Variants in BABAM2 observed in about 807,000 individuals in gnomAD.
BABAM2 encodes BRISC and BRCA1 A complex member 2, also known as BRISC and BRCA1-A complex member 2.
In BABAM2, 31 loss-of-function variants were observed where a neutral mutation model predicts 54.7. That is an observed-to-expected ratio of 0.57 (90% CI 0.43 to 0.77). The LOEUF (loss-of-function observed/expected upper bound fraction) is 0.77. Ranked by LOEUF, BABAM2 falls within the 30% of genes least tolerant of loss-of-function variation. The pLI, the probability that BABAM2 is intolerant of heterozygous loss-of-function variation, is 0.00. For synonymous variants in BABAM2, 167 were observed against 162.9 expected (o/e 1.03, Z -0.19); for missense variants, 364 against 455.8 (o/e 0.80, Z 1.83).
chr2:28,132,773 A>T (rs1299153677), intron 7 of BABAM2, among the ~76,000 whole-genome samples: 1 of 152,158 alleles, frequency 6.6e-6, no homozygotes, highest in African/African-American at 2.4e-5. Context: ...ATCTATATTT[A>T]TATTATAATC....
At chr2:28,123,614 G>C (rs1200546949) in intron 6 of BABAM2, among the ~76,000 whole-genome samples, 1 of 152,166 alleles carries the variant, frequency 6.6e-6, no homozygotes, top group Non-Finnish European at 1.5e-5. Flanking sequence ...CCAGATGGGA[G>C]GGAACACATG....
intron 5 of BABAM2, among the ~76,000 whole-genome samples, chr2:28,026,874 T>TTA (rs1274219205): frequency 8.4e-5 from 4 of 47,538 alleles, no homozygotes; most frequent in Admixed American, 3.2e-4. Context: ...ATATATATAT[T>TTA]TATATATATA....
chr2:28,165,184 G>A (rs1673516879), intron 7 of BABAM2, among the ~76,000 whole-genome samples: 1 of 152,162 alleles, frequency 6.6e-6, no homozygotes, highest in Non-Finnish European at 1.5e-5. Context: ...AATTCAGGGT[G>A]ATACATACTA....
intron 10 of BABAM2, among the ~76,000 whole-genome samples, chr2:28,246,333 C>T (rs1467201749): frequency 6.6e-6 from 1 of 152,220 alleles, no homozygotes; most frequent in Non-Finnish European, 1.5e-5. Context: ...TTTGTGAAAT[C>T]TCACTTCCTA....
intron 7 of BABAM2, among the ~76,000 whole-genome samples, chr2:28,232,769 G>A (rs1309743183): frequency 6.6e-6 from 1 of 152,174 alleles, no homozygotes; most frequent in African/African-American, 2.4e-5. Flanking sequence ...TAACTGAAAT[G>A]TTGCATGTGG....
At chr2:28,289,132 CAACTT>C (rs1318950338) in intron 10 of BABAM2, among the ~76,000 whole-genome samples, 1 of 152,034 alleles carries the variant, frequency 6.6e-6, no homozygotes, top group Non-Finnish European at 1.5e-5. Context: ...AAACACTACT[CAACTT>C]AAGAAATAGA....
At chr2:27,999,882 A>G (rs1488988035) in intron 4 of BABAM2, among the ~76,000 whole-genome samples, 1 of 152,098 alleles carries the variant, frequency 6.6e-6, no homozygotes, top group African/African-American at 2.4e-5. Flanking sequence ...CATATTCTTC[A>G]CTTGTTTCAA....
chr2:27,982,844 T>TACAC (rs146744707), intron 3 of BABAM2, among the ~76,000 whole-genome samples: 10,650 of 126,962 alleles, frequency 0.084, 916 homozygotes, highest in East Asian at 0.4. Context: ...TCATTATGTG[T>TACAC]ACACACACAC....
chr2:28,016,354 TTC>T (rs1674814255), intron 4 of BABAM2: 1 of 1,285,182 alleles, frequency 7.8e-7, no homozygotes, highest in Non-Finnish European at 1.1e-6. Context: ...GCTCTTTTAC[TTC>T]TTCCCAGGTA....
chr2:28,139,321 C>CAAAAAAAAAAAAAA (rs768755922), intron 7 of BABAM2, among the ~76,000 whole-genome samples: 1 of 87,054 alleles, frequency 1.1e-5, no homozygotes, highest in Admixed American at 1.4e-4. Context: ...AACTCCGTCT[C>CAAAAAAAAAAAAAA]AAAAAAAAAA....
intron 7 of BABAM2, among the ~76,000 whole-genome samples, chr2:28,209,431 T>A (rs1350362503): frequency 6.6e-6 from 1 of 152,164 alleles, no homozygotes; most frequent in South Asian, 2.1e-4. Context: ...TAGCCTGATC[T>A]TCAGATTCCC....
intron 11 of BABAM2, among the ~76,000 whole-genome samples, chr2:28,337,695 A>G (rs1225403969): frequency 6.6e-6 from 1 of 152,232 alleles, no homozygotes; most frequent in African/African-American, 2.4e-5. Context: ...TCATTTAGAA[A>G]TTATTAGGGC....
rs188853885 is a variant in BABAM2, at chr2:28,099,872, T to A, written c.571-29399T>A. ...TCTTTTATCCTCTTGTGGTCTTGAA[T>A]TTTTATCTATTTACATTTAACTACC... is the stretch of plus-strand genomic sequence containing the variant. On this transcript the variant is annotated intron_variant, in intron 6 of 11. Transcript: ENST00000379624. 9.9e-5 allele frequency among the ~76,000 whole-genome samples: 15 copies of A among 152,268 alleles called. No individual in the cohort carries two copies. In the East Asian group the frequency reaches 2.7e-3, roughly 27 times the overall value.
chr2:27,996,176 A>T (rs1045810861), intron 4 of BABAM2, among the ~76,000 whole-genome samples: 2 of 152,206 alleles, frequency 1.3e-5, no homozygotes, highest in African/African-American at 4.8e-5. Context: ...CAGACATTCC[A>T]GTTAAAAAAC....
chr2:27,976,880 A>G (rs1296644952), intron 3 of BABAM2, among the ~76,000 whole-genome samples: 1 of 152,180 alleles, frequency 6.6e-6, no homozygotes, highest in East Asian at 1.9e-4. Context: ...TCCGAAGTCT[A>G]GGAGAGGGAT....
intron 11 of BABAM2, among the ~76,000 whole-genome samples, chr2:28,335,776 G>C (rs760005453): frequency 5.1e-4 from 77 of 152,326 alleles, no homozygotes; most frequent in Non-Finnish European, 7.9e-4. Flanking sequence ...GCCCAGAGGT[G>C]GCAAATGGCA....
intron 2 of BABAM2, among the ~76,000 whole-genome samples, chr2:27,904,883 C>T (rs537448590): frequency 6.6e-6 from 1 of 152,100 alleles, no homozygotes; most frequent in South Asian, 2.1e-4. Context: ...GAAGGTAAAA[C>T]AAGAAAATAA....
In BABAM2 at chr2:28,025,272, T is replaced by C; in HGVS notation, c.347T>C (p.Val116Ala). Residue 116 changes from valine (V) to alanine (A), a missense_variant, in exon 5 of 12, where the codon GTG becomes GCG. Coordinates refer to ENST00000379624, the MANE Select transcript of BABAM2 (RefSeq NM_199191.3). ...NPSNPECLLL[V>A]VKELVQQYHQ... The stretch of plus-strand genomic sequence containing the variant: ...TCAAATCCTGAATGTCTCTTACTTG[T>C]GGTGAAGGAACTTGTGCAACAATAT... 3.7e-6 allele frequency: 6 copies of C among 1,608,758 alleles called. No individual in the cohort carries two copies. The highest frequency in any genetic ancestry group is 1.3e-5 in the African/African-American group (1 of 74,646).
chr2:28,197,919 T>G (rs1291126311), intron 7 of BABAM2, among the ~76,000 whole-genome samples: 1 of 152,176 alleles, frequency 6.6e-6, no homozygotes, highest in Non-Finnish European at 1.5e-5. Flanking sequence ...GTCCTTTAAC[T>G]TAAGTTCTGA....
Sources: gnomAD v4.1 joint callset for allele counts (sites outside exome capture counted in the v4.1 genomes callset) on GRCh38, gnomAD v4.1.1 for gene constraint, MANE v1.5 for transcripts, NCBI Gene and HGNC (gene_info 2026-07-23, HGNC 2026-07-21) for gene names.